The following RUNX2 variants were observed in gnomAD, a reference collection of about 807,000 sequenced individuals.
The protein encoded by RUNX2 is runt-related transcription factor 2.
RUNX2 carries 10 observed loss-of-function variants against 51.7 expected under a neutral mutation model. That is an observed-to-expected ratio of 0.19 (90% CI 0.12 to 0.33). RUNX2 has a LOEUF of 0.33. RUNX2 is among the 10% of genes least tolerant of loss of function. The probability of loss-of-function intolerance (pLI) is 1.00; values close to 1 mark genes in which losing one functional copy is unlikely to be tolerated. For missense variants in RUNX2, 562 were observed against 691.3 expected (o/e 0.81, Z 2.10); for synonymous variants, 276 against 273.6 (o/e 1.01, Z -0.09).
intron 2 of RUNX2, chr6:45,365,439 CACTTAT>C (rs1290026161): frequency 6.3e-5 from 37 of 588,238 alleles, no homozygotes; most frequent in South Asian, 4.6e-4. Context: ...AAAACTGATT[CACTTAT>C]ACTTAATGTT....
chr6:45,408,157 T>C (rs1797876010), intron 2 of RUNX2, among the ~76,000 whole-genome samples: 1 of 151,720 alleles, frequency 6.6e-6, no homozygotes, highest in Admixed American at 6.6e-5. Context: ...GCCAGGAGAT[T>C]TTTATTTTTA....
At chr6:45,376,831 G>A (rs1796845498) in intron 2 of RUNX2, among the ~76,000 whole-genome samples, 1 of 151,592 alleles carries the variant, frequency 6.6e-6, no homozygotes, top group African/African-American at 2.4e-5. Context: ...TAAGACCCCA[G>A]GTCCTCTCCT....
intron 2 of RUNX2, among the ~76,000 whole-genome samples, chr6:45,350,532 T>TC (rs1411096237): frequency 1.3e-5 from 2 of 152,150 alleles, no homozygotes; most frequent in Non-Finnish European, 2.9e-5. Context: ...AGACCAATAA[T>TC]AGTCACAAAC....
rs546884305 is a variant in RUNX2, at chr6:45,451,651, G to A, written c.685+13600G>A. Among the ~76,000 whole-genome samples the A allele has an allele frequency of 4.6e-5, 7 of 152,316 alleles. No individual in the cohort carries two copies. In the East Asian group the frequency reaches 9.6e-4, roughly 21 times the overall value. On this transcript the variant is annotated intron_variant, in intron 5 of 8. Transcript: ENST00000647337. ...ATTAAGCTATGTATGGTGACCAGCT[G>A]TTTTGTTTCTGGCAAGGTCAGAGAA...
chr6:45,542,082 C>T (rs1582226454), intron 7 of RUNX2, among the ~76,000 whole-genome samples: 1 of 151,996 alleles, frequency 6.6e-6, no homozygotes, highest in South Asian at 2.1e-4. Context: ...AAGCAGCATT[C>T]GAAAACAGTG....
chr6:45,345,094 C>A (rs374776464), intron 2 of RUNX2, among the ~76,000 whole-genome samples: 63 of 152,100 alleles, frequency 4.1e-4, no homozygotes, highest in Non-Finnish European at 7.2e-4. Flanking sequence ...CACTCATCTG[C>A]GCTGCCTCAC....
intron 5 of RUNX2, among the ~76,000 whole-genome samples, chr6:45,472,004 T>G (rs1410067124): frequency 6.6e-6 from 1 of 152,202 alleles, no homozygotes; most frequent in Non-Finnish European, 1.5e-5. Context: ...AGAAAATAAA[T>G]CTGATGAATG....
At chr6:45,344,288 G>A (rs1433427380) in intron 2 of RUNX2, among the ~76,000 whole-genome samples, 1 of 152,100 alleles carries the variant, frequency 6.6e-6, no homozygotes, top group Non-Finnish European at 1.5e-5. Flanking sequence ...ATACAGTTGG[G>A]AACCACTTCA....
intron 6 of RUNX2, among the ~76,000 whole-genome samples, chr6:45,496,370 G>C (rs1800648599): frequency 6.6e-6 from 1 of 152,158 alleles, no homozygotes; most frequent in African/African-American, 2.4e-5. Flanking sequence ...GCAAGTGAGT[G>C]AGAGAGACAC....
chr6:45,357,906 T>A (rs955471928), intron 2 of RUNX2, among the ~76,000 whole-genome samples: 11 of 152,102 alleles, frequency 7.2e-5, no homozygotes, highest in Non-Finnish European at 1.2e-4. Context: ...TATATATATA[T>A]AAATACATTC....
chr6:45,523,994 T>C (rs191050880), intron 7 of RUNX2, among the ~76,000 whole-genome samples: 186 of 152,292 alleles, frequency 1.2e-3, no homozygotes, highest in African/African-American at 4.4e-3. Flanking sequence ...AGCTTTTTTC[T>C]AATTAAAATA....
chr6:45,536,537 C>T (rs757550282), intron 7 of RUNX2, among the ~76,000 whole-genome samples: 1 of 152,128 alleles, frequency 6.6e-6, no homozygotes, highest in African/African-American at 2.4e-5. Flanking sequence ...ACCTGGGGAC[C>T]AAGCCTTTTG....
intron 2 of RUNX2, among the ~76,000 whole-genome samples, chr6:45,348,512 C>CAAAAAAAGAAAA (rs1791367324): frequency 9.1e-6 from 1 of 110,360 alleles, no homozygotes; most frequent in African/African-American, 3.7e-5. Flanking sequence ...ACTAAAAATA[C>CAAAAAAAGAAAA]AAAAAAAAAA....
intron 8 of RUNX2, among the ~76,000 whole-genome samples, chr6:45,546,407 A>T (rs1311579695): frequency 6.6e-6 from 1 of 152,216 alleles, no homozygotes; most frequent in Non-Finnish European, 1.5e-5. Flanking sequence ...GAATTTCTTT[A>T]TATTGAGTTG....
At chr6:45,412,736 T>G (rs1355566285) in intron 2 of RUNX2, among the ~76,000 whole-genome samples, 1 of 152,020 alleles carries the variant, frequency 6.6e-6, no homozygotes, top group Non-Finnish European at 1.5e-5. Flanking sequence ...AACTGCCCCT[T>G]TTATTGTTAT....
intron 7 of RUNX2, among the ~76,000 whole-genome samples, chr6:45,521,062 T>C (rs917954743): frequency 6.6e-6 from 1 of 152,232 alleles, no homozygotes; most frequent in Non-Finnish European, 1.5e-5. Context: ...CATTCTCCTT[T>C]TATAAGCTTC....
intron 6 of RUNX2, among the ~76,000 whole-genome samples, chr6:45,499,230 G>A (rs1800731886): frequency 6.6e-6 from 1 of 152,230 alleles, no homozygotes; most frequent in African/African-American, 2.4e-5. Flanking sequence ...TTCCTGGGAA[G>A]TTTTGCCCTG....
At chr6:45,522,027 T>C (rs1011288594) in intron 7 of RUNX2, among the ~76,000 whole-genome samples, 1 of 152,224 alleles carries the variant, frequency 6.6e-6, no homozygotes, top group African/African-American at 2.4e-5. Flanking sequence ...CTTATTTAAT[T>C]CAGGTAATAA....
chr6:45,344,777 C>T (rs781226132), intron 2 of RUNX2, among the ~76,000 whole-genome samples: 2 of 152,022 alleles, frequency 1.3e-5, no homozygotes, highest in Non-Finnish European at 2.9e-5. Context: ...GAGAAATATA[C>T]TTGGTGGACC....
Sources: allele counts gnomAD v4.1 joint callset (sites outside exome capture counted in the v4.1 genomes callset), GRCh38; gene constraint gnomAD v4.1.1; transcripts MANE v1.5; gene names NCBI Gene and HGNC (gene_info 2026-07-23, HGNC 2026-07-21).